BDH1: variants seen among roughly 807,000 people sequenced by gnomAD.
BDH1 encodes the protein 3-hydroxybutyrate dehydrogenase 1, also known as D-beta-hydroxybutyrate dehydrogenase, mitochondrial.
BDH1 carries 30 observed loss-of-function variants against 33.1 expected under a neutral mutation model. The ratio of observed to expected loss-of-function variants is 0.91; its 90% CI spans 0.68 to 1.23. The LOEUF is 1.23. BDH1 is among the 50% of genes most tolerant of loss of function. The pLI, the probability that BDH1 is intolerant of heterozygous loss-of-function variation, is 0.00. For missense variants in BDH1, 443 were observed against 464.4 expected (o/e 0.95, Z 0.42); for synonymous variants, 190 against 183.6 (o/e 1.03, Z -0.28).
rs869271269 is a variant in BDH1, at chr3:197,510,599, G to GTGTGTGTGTGTGTGTGTGTGTGTGTGT, written c.*1295_*1296insACACACACACACACACACACACACACA. 19 of 75,316 alleles carry GTGTGTGTGTGTGTGTGTGTGTGTGTGT rather than the reference G, an allele frequency of 2.5e-4. 2 individuals are homozygous for GTGTGTGTGTGTGTGTGTGTGTGTGTGT. The highest frequency in any genetic ancestry group is 3.7e-4 in the African/African-American group (6 of 16,376). The allele number at this position is 75,316 out of a possible 1,614,324, so 4.7% of individuals were successfully genotyped here. ...CCACGCTGAAGCCCTGCAGAACAGGGGTGTGTGTGTGTGTGTGTGTGTGTG... is the reference window on the plus strand; with the variant it reads ...CCACGCTGAAGCCCTGCAGAACAGGGTGTGTGTGTGTGTGTGTGTGTGTGTGTGTGTGTGTGTGTGTGTGTGTGTGTG... On this transcript the variant is annotated 3_prime_UTR_variant, in exon 8 of 8. Transcript: ENST00000392379.
At chr3:197,553,006 C>T (rs542469173) in intron 2 of BDH1, among the ~76,000 whole-genome samples, 4 of 152,226 alleles carry the variant, frequency 2.6e-5, no homozygotes, top group African/African-American at 9.6e-5. Flanking sequence ...CAACCTCCAC[C>T]TCTCAGGTTC....
intron 1 of BDH1, among the ~76,000 whole-genome samples, chr3:197,570,924 T>C (rs1427681917): frequency 1.3e-5 from 2 of 152,216 alleles, no homozygotes; most frequent in Non-Finnish European, 2.9e-5. Context: ...GCTTGCACCA[T>C]GTGCCTGGAA....
intron 3 of BDH1, among the ~76,000 whole-genome samples, chr3:197,543,725 A>C (rs1268425354): frequency 6.6e-6 from 1 of 152,240 alleles, no homozygotes. Flanking sequence ...GAGCACAGGC[A>C]AAGTGCAGAC....
At chr3:197,539,114 C>T (rs2099248) in intron 3 of BDH1, among the ~76,000 whole-genome samples, 26,737 of 152,060 alleles carry the variant, frequency 0.18, 3,034 homozygotes, top group African/African-American at 0.32. Flanking sequence ...ACTTAGTTTA[C>T]AGTTGTGTTT....
At chr3:197,513,859 A>G (rs1712380630) in intron 7 of BDH1, among the ~76,000 whole-genome samples, 1 of 152,226 alleles carries the variant, frequency 6.6e-6, no homozygotes, top group Admixed American at 6.5e-5. Flanking sequence ...GTTCCCTAAT[A>G]CCACAATGAT....
chr3:197,546,359 A>G lies in BDH1; in HGVS notation c.83+2T>C. ...AGGCCACCACCACCTCTGGTTGCTT[A>G]CCTTGCTCCATTTTCTCTATCACAG... On this transcript the variant is annotated splice_donor_variant, in intron 3 of 7. Transcript: ENST00000392379. LOFTEE classifies it high-confidence loss of function. 3 of 1,613,910 alleles carry G rather than the reference A, an allele frequency of 1.9e-6. No homozygotes were observed. Among genetic ancestry groups the G allele is most frequent in the Non-Finnish European group, 2.5e-6 (3 of 1,179,964 alleles).
chr3:197,537,566 G>A (rs780330285), intron 3 of BDH1, among the ~76,000 whole-genome samples: 18 of 152,218 alleles, frequency 1.2e-4, no homozygotes, highest in South Asian at 2.1e-4. Context: ...TTGGATAAGC[G>A]GTGAGAACTA....
At chr3:197,549,980 T>TATATAC (rs1716419966) in intron 2 of BDH1, among the ~76,000 whole-genome samples, 1 of 151,318 alleles carries the variant, frequency 6.6e-6, no homozygotes, top group Non-Finnish European at 1.5e-5. Flanking sequence ...AACTATTATA[T>TATATAC]ATATATTTGG....
rs1003045331 is a variant in BDH1 at position 197,528,052 on chromosome 3, G to A, written c.267+4360C>T. ...CATCCCCCCTTGGAATATAAGCTCCGCAAGGGCAAGAACTTCTCACTGAGG... is the reference window on the plus strand; with the variant it reads ...CATCCCCCCTTGGAATATAAGCTCCACAAGGGCAAGAACTTCTCACTGAGG... On this transcript the variant is annotated intron_variant, in intron 5 of 7. Transcript: ENST00000392379. This position sits in a 1 kb window ranked among gnomAD's most constrained non-coding sequence, Gnocchi z 5.1. Among the ~76,000 whole-genome samples, 8 of 152,212 alleles carry A rather than the reference G, an allele frequency of 5.3e-5. No individual in the cohort carries two copies. The highest frequency in any genetic ancestry group is 3.4e-3 in the Middle Eastern group (1 of 294).
In BDH1 at chr3:197,512,183, G is replaced by A. The variant is rs61745694; in HGVS notation, c.744C>T (p.Tyr248=). ...PGNFIAATSL[Y]SPESIQAIAK... ...CGATGGCCTGAATGCTCTCAGGGCT[G>A]TAAAGGCTGGTGGCAGCGATGAAGT... Residue 248 remains tyrosine (Y), a synonymous_variant, in exon 8 of 8, where the codon TAC becomes TAT. Coordinates refer to ENST00000392379, the MANE Select transcript of BDH1 (RefSeq NM_203314.3). 2,537 of 1,614,130 alleles carry A rather than the reference G, an allele frequency of 1.6e-3. 42 individuals carry two copies. The African/African-American group carries it at 0.031, about 19-fold the overall frequency.
intron 3 of BDH1, among the ~76,000 whole-genome samples, chr3:197,537,983 G>A (rs1255782778): frequency 6.6e-6 from 1 of 152,124 alleles, no homozygotes; most frequent in Non-Finnish European, 1.5e-5. Context: ...TGGGACATAA[G>A]AAACAAAAAG....
In BDH1 at chr3:197,523,480, A is replaced by G. The variant is rs1713774877; in HGVS notation, c.268-699T>C. On this transcript the variant is annotated intron_variant, in intron 5 of 7. Coordinates refer to ENST00000392379, the MANE Select transcript of BDH1 (RefSeq NM_203314.3). The surrounding 1 kb of genome is among the most constrained non-coding windows in gnomAD (Gnocchi z 4.5). The stretch of plus-strand genomic sequence containing the variant: ...CACCTGTCCTGACCTGCTCAGATTA[A>G]TGGAGTAAGGAAATGGATTTGTAAG... Among the ~76,000 whole-genome samples the G allele has an allele frequency of 6.6e-6, 1 of 152,194 alleles. No homozygotes were observed.
chr3:197,533,347 G>A (rs2108743415), intron 4 of BDH1, 142 bp downstream of exon 4: 2 of 807,454 alleles, frequency 2.5e-6, no homozygotes, highest in South Asian at 1.6e-5. Flanking sequence ...GAGGGGCTTT[G>A]GGGGAGGGTT....
At chr3:197,564,491 GT>G (rs1454013866) in intron 1 of BDH1, among the ~76,000 whole-genome samples, 4 of 152,072 alleles carry the variant, frequency 2.6e-5, no homozygotes, top group African/African-American at 9.7e-5. Flanking sequence ...ACTCCTGGGT[GT>G]AAAAAAGATA....
Position 197,532,533 on chromosome 3 carries a change from A to C in BDH1, c.157-11T>G. 1 of 1,608,586 alleles carries C rather than the reference A, an allele frequency of 6.2e-7. No homozygotes were observed. The highest frequency in any genetic ancestry group is 8.5e-7 in the Non-Finnish European group (1 of 1,175,046). On this transcript the variant is annotated splice_polypyrimidine_tract_variant and intron_variant, in intron 4 of 7. Transcript: ENST00000392379. Reference sequence around the variant, plus strand: ...AGCTTTGCTGCCAACCTGTTTTACAAGGTCAGATTCCATGTTAGGAACCGG... The same window carrying C: ...AGCTTTGCTGCCAACCTGTTTTACACGGTCAGATTCCATGTTAGGAACCGG...
chr3:197,551,103 A>G (rs1422155186), intron 2 of BDH1, among the ~76,000 whole-genome samples: 1 of 152,180 alleles, frequency 6.6e-6, no homozygotes, highest in Non-Finnish European at 1.5e-5. Flanking sequence ...TTATATGTGC[A>G]ATTAAATGAT....
In BDH1 at chr3:197,528,936, C is replaced by G. The variant is rs986183078; in HGVS notation, c.267+3476G>C. ...GTGCTGTGGAATCTGACTGTGGCTCCCTGTGTCACTGGATAAGCCAGCACA... is the reference window on the plus strand; with the variant it reads ...GTGCTGTGGAATCTGACTGTGGCTCGCTGTGTCACTGGATAAGCCAGCACA... On this transcript the variant is annotated intron_variant, in intron 5 of 7. Transcript: ENST00000392379. The surrounding 1 kb of genome is among the most constrained non-coding windows in gnomAD (Gnocchi z 5.1). 1 of 152,288 alleles carries G rather than the reference C, an allele frequency of 6.6e-6. No homozygotes were observed. Among genetic ancestry groups the G allele is most frequent in the Non-Finnish European group, 1.5e-5 (1 of 68,094 alleles). 9.4% of individuals were successfully genotyped at this position (152,288 alleles called of 1,614,324 possible).
intron 6 of BDH1, among the ~76,000 whole-genome samples, chr3:197,518,749 C>A (rs377208096): frequency 5.5e-4 from 9 of 16,444 alleles, no homozygotes; most frequent in Non-Finnish European, 9.9e-4. Flanking sequence ...CCGACCCCCC[C>A]CCATCAGTCA....
chr3:197,541,244 G>C (rs1425481501), intron 3 of BDH1, among the ~76,000 whole-genome samples: 1 of 152,168 alleles, frequency 6.6e-6, no homozygotes, highest in Non-Finnish European at 1.5e-5. Context: ...TTCTGATTCA[G>C]TAGGAAGGGG....
Sources: allele counts gnomAD v4.1 joint callset (sites outside exome capture counted in the v4.1 genomes callset), GRCh38; gene constraint gnomAD v4.1.1; non-coding constraint Gnocchi (gnomAD v3.1); transcripts MANE v1.5; gene names NCBI Gene and HGNC (gene_info 2026-07-23, HGNC 2026-07-21).